The following BATF variants were observed in gnomAD, a reference collection of about 807,000 sequenced individuals.
The protein encoded by BATF is basic leucine zipper ATF-like transcription factor, also known as basic leucine zipper transcriptional factor ATF-like.
A neutral mutation model predicts 13.7 loss-of-function variants in BATF; 5 were observed. The observed-to-expected ratio is 0.36, with a 90% CI of 0.19 to 0.77. BATF has a LOEUF of 0.77. BATF is among the 30% of genes least tolerant of loss of function. BATF has a pLI of 0.51. For missense variants in BATF, 124 were observed against 163.0 expected, an observed-to-expected ratio of 0.76 and a Z score of 1.30; for synonymous variants, 72 against 67.5, an observed-to-expected ratio of 1.07 and a Z score of -0.33.
chr14:75,541,364 G>A (rs918512990), intron 2 of BATF, among the ~76,000 whole-genome samples: 18 of 152,202 alleles, frequency 1.2e-4, no homozygotes, highest in Non-Finnish European at 1.9e-4. Flanking sequence ...ACCCAGCCAG[G>A]ACCAGGGCCC....
At chr14:75,545,379 G>A (rs915813334) in intron 2 of BATF, among the ~76,000 whole-genome samples, 1 of 140,990 alleles carries the variant, frequency 7.1e-6, no homozygotes, top group African/African-American at 2.7e-5. Flanking sequence ...GCACCACCAC[G>A]CCTGGTTAAT....
chr14:75,522,573 A>T lies in BATF; in HGVS notation c.-110A>T. The T allele has an allele frequency of 8.0e-7, 1 of 1,252,754 alleles. No individual in the cohort carries two copies. The highest frequency in any genetic ancestry group is 1.2e-6 in the Non-Finnish European group (1 of 862,630). The allele number at this position is 1,252,754 out of a possible 1,614,324, so 77.6% of individuals were successfully genotyped here. A position where few individuals can be genotyped will look rare whatever the true frequency, so the allele number is the denominator to read the frequency against. On this transcript the variant is annotated 5_prime_UTR_variant, in exon 1 of 3. Transcript: ENST00000286639. ...CAGGGCAGGCAGAGGAGGCACCTGT[A>T]GGGGGTGGTGGGCTGGTGGCCCAGG...
At chr14:75,538,040 C>G (rs942743882) in intron 2 of BATF, among the ~76,000 whole-genome samples, 2 of 152,132 alleles carry the variant, frequency 1.3e-5, no homozygotes, top group Non-Finnish European at 2.9e-5. Context: ...CTGACTGCAG[C>G]CTCCACCTCC....
intron 2 of BATF, among the ~76,000 whole-genome samples, chr14:75,545,783 C>G (rs971483259): frequency 6.6e-6 from 1 of 152,098 alleles, no homozygotes; most frequent in Non-Finnish European, 1.5e-5. Context: ...CACACCCTCA[C>G]AGAGACCCCT....
At chr14:75,533,965 T>C (rs1566767558) in intron 2 of BATF, among the ~76,000 whole-genome samples, 1 of 152,152 alleles carries the variant, frequency 6.6e-6, no homozygotes, top group African/African-American at 2.4e-5. Context: ...ATAAGGCCTA[T>C]TGCAAAGGTG....
chr14:75,533,328 T>C (rs1189420461), intron 2 of BATF, among the ~76,000 whole-genome samples: 1 of 149,492 alleles, frequency 6.7e-6, no homozygotes, highest in African/African-American at 2.5e-5. Flanking sequence ...CTCGGGAGGA[T>C]GAGGCAGGAG....
chr14:75,523,397 G>A (rs1032909585), intron 1 of BATF, among the ~76,000 whole-genome samples: 4 of 152,150 alleles, frequency 2.6e-5, no homozygotes, highest in African/African-American at 9.7e-5. Flanking sequence ...GGAAATGAAT[G>A]AGGAGGTGGC....
chr14:75,542,016 G>A (rs540213278), intron 2 of BATF, among the ~76,000 whole-genome samples: 9 of 152,246 alleles, frequency 5.9e-5, no homozygotes, highest in East Asian at 1.9e-4. Flanking sequence ...CCAGTCTCTC[G>A]GGGGAAGCAG....
intron 2 of BATF, among the ~76,000 whole-genome samples, chr14:75,533,573 G>A (rs976598330): frequency 1.3e-5 from 2 of 152,110 alleles, no homozygotes; most frequent in African/African-American, 4.8e-5. Context: ...CAGAATGGGA[G>A]TCTCCCCAGA....
rs1595001973 is a variant in BATF at position 75,524,935 on chromosome 14, C to T, written c.64-149C>T. Reference sequence around the variant, plus strand: ...ATGGAGAAGAGCTCTCCTTCGGGTGCAGGCTTTTGGTAAATAGAGGGATGG... The same window carrying T: ...ATGGAGAAGAGCTCTCCTTCGGGTGTAGGCTTTTGGTAAATAGAGGGATGG... On this transcript the variant is annotated intron_variant, in intron 1 of 2. Transcript: ENST00000286639. 5.6e-5 allele frequency: 35 copies of T among 622,796 alleles called. No individual in the cohort carries two copies. In the East Asian group the frequency reaches 9.6e-4, roughly 17 times the overall value. 38.6% of individuals were successfully genotyped at this position (622,796 alleles called of 1,614,324 possible). A position where few individuals can be genotyped will look rare whatever the true frequency, so the allele number is the denominator to read the frequency against.
chr14:75,541,230 T>C (rs1328530986), intron 2 of BATF, among the ~76,000 whole-genome samples: 3 of 152,220 alleles, frequency 2.0e-5, no homozygotes, highest in East Asian at 1.9e-4. Context: ...GGCATCAGGA[T>C]TGCTAAAGCT....
chr14:75,541,001 T>C (rs1030845277), intron 2 of BATF, among the ~76,000 whole-genome samples: 1 of 152,088 alleles, frequency 6.6e-6, no homozygotes, highest in African/African-American at 2.4e-5. Flanking sequence ...GTGGGGAGAA[T>C]TGCTTGAACC....
At chr14:75,531,767 G>A (rs1440177810) in intron 2 of BATF, among the ~76,000 whole-genome samples, 1 of 152,194 alleles carries the variant, frequency 6.6e-6, no homozygotes, top group Non-Finnish European at 1.5e-5. Flanking sequence ...AAAGATGTTT[G>A]GGTAGCACTA....
chr14:75,539,866 C>A (rs893635442), intron 2 of BATF, among the ~76,000 whole-genome samples: 19 of 152,146 alleles, frequency 1.2e-4, no homozygotes, highest in Admixed American at 4.6e-4. Context: ...TGGGAAGAGT[C>A]GTACTTTTCA....
intron 1 of BATF, 87 bp downstream of exon 1, chr14:75,522,832 C>G (rs985900348): frequency 6.5e-7 from 1 of 1,548,228 alleles, no homozygotes; most frequent in Non-Finnish European, 8.9e-7. Flanking sequence ...GCCCAGGGAG[C>G]TGAGGATGGA....
rs566334275 is a variant in BATF, at chr14:75,539,795, G to T, written c.169-6667G>T. Among the ~76,000 whole-genome samples, 23 of 152,260 alleles carry T rather than the reference G, an allele frequency of 1.5e-4. No individual in the cohort carries two copies. In the South Asian group the frequency reaches 2.3e-3, roughly 15 times the overall value. ...TTCTCCTTTCATAAGGTGAGAGGCA[G>T]CAGTTGGGGTGAATTTCCCCAGGAA... On this transcript the variant is annotated intron_variant, in intron 2 of 2. Coordinates refer to ENST00000286639, the MANE Select transcript of BATF (RefSeq NM_006399.5).
intron 2 of BATF, among the ~76,000 whole-genome samples, chr14:75,534,353 A>G (rs1887787856): frequency 6.6e-6 from 1 of 152,224 alleles, no homozygotes. Flanking sequence ...TATGAAAACG[A>G]TACACACTAA....
intron 2 of BATF, among the ~76,000 whole-genome samples, chr14:75,536,868 G>T (rs1383724061): frequency 6.6e-6 from 1 of 152,158 alleles, no homozygotes; most frequent in Non-Finnish European, 1.5e-5. Flanking sequence ...CTGATCATAA[G>T]TTGAGAAGCA....
At chr14:75,541,655 TTTTTG>T (rs951580851) in intron 2 of BATF, among the ~76,000 whole-genome samples, 1 of 152,108 alleles carries the variant, frequency 6.6e-6, no homozygotes, top group Non-Finnish European at 1.5e-5. Flanking sequence ...AGGACTTATT[TTTTTG>T]TTTTGTTTTG....
Sources: gnomAD v4.1 joint callset for allele counts (sites outside exome capture counted in the v4.1 genomes callset) on GRCh38, gnomAD v4.1.1 for gene constraint, MANE v1.5 for transcripts, NCBI Gene and HGNC (gene_info 2026-07-23, HGNC 2026-07-21) for gene names.